Variants in PI4KA observed in about 807,000 individuals in gnomAD.
PI4KA encodes phosphatidylinositol 4-kinase alpha.
Under a neutral mutation model 271.4 loss-of-function variants are expected in PI4KA, and 122 were observed. That is an observed-to-expected ratio of 0.45 (90% CI 0.39 to 0.52). The LOEUF (loss-of-function observed/expected upper bound fraction) is 0.52, where lower values mean the gene tolerates loss of function less well. Among genes scored for constraint, PI4KA ranks in the 20% least tolerant of loss-of-function variants. The pLI is 0.00. For missense variants in PI4KA, 1,969 were observed against 2,769.1 expected, an observed-to-expected ratio of 0.71 and a Z score of 6.48; for synonymous variants, 1,041 against 1,078.8, an observed-to-expected ratio of 0.96 and a Z score of 0.69.
At chr22:20,762,297 C>A (rs540183096) in intron 22 of PI4KA, among the ~76,000 whole-genome samples, 1 of 152,140 alleles carries the variant, frequency 6.6e-6, no homozygotes. Flanking sequence ...CACACGCATT[C>A]GAGTGTGCAC....
In PI4KA at chr22:20,838,599, T is replaced by A; in HGVS notation, c.273+16A>T. 1.4e-6 allele frequency: 2 copies of A among 1,468,162 alleles called. No individual in the cohort carries two copies. The highest frequency in any genetic ancestry group is 2.3e-5 in the South Asian group (2 of 87,286). 90.9% of individuals were successfully genotyped at this position (1,468,162 alleles called of 1,614,324 possible). ...CCTTTTACAATGAAGAAACTTTTAA[T>A]TTCATGAAGACTTACCTGAAGATCA... On this transcript the variant is annotated intron_variant, in intron 2 of 54. Transcript: ENST00000255882.
intron 1 of PI4KA, among the ~76,000 whole-genome samples, chr22:20,850,284 C>T (rs1336101732): frequency 6.6e-6 from 1 of 151,902 alleles, no homozygotes; most frequent in Non-Finnish European, 1.5e-5. Flanking sequence ...CCTGTTAACA[C>T]CAGCACTTTG....
At chr22:20,804,832 G>T in intron 11 of PI4KA, 142 bp downstream of exon 11, 1 of 693,684 alleles carries the variant, frequency 1.4e-6, no homozygotes, top group Non-Finnish European at 2.5e-6. Flanking sequence ...GCTCCACTCT[G>T]CACGTGCCCA....
At chr22:20,840,178 T>C (rs1386326533) in intron 1 of PI4KA, among the ~76,000 whole-genome samples, 1 of 152,232 alleles carries the variant, frequency 6.6e-6, no homozygotes, top group Non-Finnish European at 1.5e-5. Flanking sequence ...CATAACATCA[T>C]TATTTCTCCA....
intron 6 of PI4KA, among the ~76,000 whole-genome samples, chr22:20,819,144 G>A (rs1307093008): frequency 1.3e-5 from 2 of 152,194 alleles, no homozygotes; most frequent in Non-Finnish European, 2.9e-5. Flanking sequence ...CGGTGAAAGG[G>A]AGGCAGTGTG....
At chr22:20,734,637 C>T (rs1928486051) in intron 32 of PI4KA, 84 bp from the exon 33 acceptor site, 1 of 1,303,936 alleles carries the variant, frequency 7.7e-7, no homozygotes, top group Admixed American at 2.2e-5. Flanking sequence ...AAAAAAGGAA[C>T]ACGTGCTCAC....
Position 20,796,259 on chromosome 22 carries a change from C to T in PI4KA, c.2164G>A (p.Asp722Asn). The part of the protein sequence containing the change: ...ALANIAANIQ[D>N]EHLVDELLMN... ...AGCAGCTCATCCACCAGGTGCTCGT[C>T]TTGGATGTTGGCCGCGATGTTGGCC... The change falls in exon 18 of 55, where the codon GAC becomes AAC. Residue 722 changes from aspartate to asparagine, a missense_variant. By Grantham distance (23) the Asp-to-Asn change is conservative. This residue lies in a region of PI4KA where 368 missense variants were observed against 544.3 expected (regional missense o/e 0.68). Coordinates refer to ENST00000255882, the MANE Select transcript of PI4KA (RefSeq NM_058004.4). 6.2e-7 allele frequency: 1 copy of T among 1,614,126 alleles called. No homozygotes were observed. The highest frequency in any genetic ancestry group is 8.5e-7 in the Non-Finnish European group (1 of 1,180,000).
chr22:20,721,305 C>G lies in PI4KA; in HGVS notation c.5109G>C (p.Gln1703His). ...TNIYLDEEGH[Q>H]KDPDIGDLLD... ...GGAGGACAAAATACTCACGGTCTTT[C>G]TGGTGGCCCTCTTCATCTAGATAAA... The change falls in exon 43 of 55, where the codon CAG becomes CAC. Residue 1703 changes from glutamine (Q) to histidine (H), a missense_variant. Physicochemically the swap from Gln to His is conservative, Grantham distance 24. Around this residue, in one of 13 missense-constraint regions of PI4KA, gnomAD observed 388 missense variants for 521.5 expected, o/e 0.74. Coordinates refer to ENST00000255882, the MANE Select transcript of PI4KA (RefSeq NM_058004.4). 6.2e-7 allele frequency: 1 copy of G among 1,614,046 alleles called. No homozygotes were observed. Among genetic ancestry groups the G allele is most frequent in the Non-Finnish European group, 8.5e-7 (1 of 1,180,000 alleles).
chr22:20,730,138 A>C, intron 36 of PI4KA, 127 bp from the exon 37 acceptor site: 1 of 1,006,084 alleles, frequency 9.9e-7, no homozygotes. Context: ...GAGTCCTGGA[A>C]TCGACTGCAG....
At position 20,799,198 on chromosome 22, in the gene PI4KA, G is replaced by A. The variant is rs772344242; in HGVS notation, c.1899C>T (p.Val633=). ...IAVALRDTPK[V]MEPILQILQQ... ...GTAGGATCTGCAGAATGGGCTCCAT[G>A]ACCTTCGGGGTGTCCCTCAAGGCCA... Residue 633 remains valine, a synonymous_variant, in exon 16 of 55, where the codon GTC becomes GTT. Transcript: ENST00000255882. The A allele has an allele frequency of 2.5e-6, 4 of 1,594,974 alleles. No homozygotes were observed. The highest frequency in any genetic ancestry group is 1.1e-5 in the South Asian group (1 of 87,680).
At chr22:20,811,332 C>A (rs983243029) in intron 8 of PI4KA, among the ~76,000 whole-genome samples, 2 of 152,142 alleles carry the variant, frequency 1.3e-5, no homozygotes, top group African/African-American at 4.8e-5. Flanking sequence ...AGACCTCAGG[C>A]CTTGCTGCCA....
At chr22:20,742,939 C>CTT (rs199920036) in intron 30 of PI4KA, 175 bp from the exon 31 acceptor site, 208 of 498,170 alleles carry the variant, frequency 4.2e-4, no homozygotes, top group Middle Eastern at 5.4e-4. Flanking sequence ...CTGATCACAG[C>CTT]TTTTTTTTTT....
chr22:20,845,995 C>T (rs1452789424), intron 1 of PI4KA, among the ~76,000 whole-genome samples: 4 of 152,106 alleles, frequency 2.6e-5, no homozygotes, highest in Middle Eastern at 3.2e-3. Context: ...CTGTGGCTCA[C>T]GCCTGTAATC....
At chr22:20,823,509 A>T (rs922065123) in intron 4 of PI4KA, among the ~76,000 whole-genome samples, 4 of 152,264 alleles carry the variant, frequency 2.6e-5, no homozygotes, top group African/African-American at 9.6e-5. Context: ...GATAAATTTA[A>T]GAAAAAGTTG....
rs547055475 is a variant in PI4KA at position 20,808,255 on chromosome 22, A to G, written c.1072-797T>C. Among the ~76,000 whole-genome samples, 80 of 149,080 alleles carry G rather than the reference A, an allele frequency of 5.4e-4. 1 individual carries two copies. The South Asian group carries it at 0.016, about 30-fold the overall frequency. ...TGGTGAGCAGAGATCGCGCCATTGC[A>G]CTCCAGCCTGGGCAACAAGAACAAA... On this transcript the variant is annotated intron_variant, in intron 9 of 54. Coordinates refer to ENST00000255882, the MANE Select transcript of PI4KA (RefSeq NM_058004.4).
intron 3 of PI4KA, among the ~76,000 whole-genome samples, chr22:20,832,619 A>C (rs999271192): frequency 1.3e-5 from 2 of 151,670 alleles, no homozygotes; most frequent in African/African-American, 2.4e-5. Flanking sequence ...ACACCTGGCT[A>C]ATTTTTTGTA....
intron 14 of PI4KA, among the ~76,000 whole-genome samples, chr22:20,800,629 C>T (rs1935240072): frequency 6.7e-6 from 1 of 149,890 alleles, no homozygotes. Flanking sequence ...TTGGGAGGCA[C>T]AGGTGGGCGG....
At position 20,744,806 on chromosome 22, in the gene PI4KA, C is replaced by G; in HGVS notation, c.3364-86G>C. On this transcript the variant is annotated intron_variant, in intron 29 of 54. Transcript: ENST00000255882. ...ATGGCTAAGCCTAAACCCAATGAAG[C>G]AGTCACACTCGGGTCTGGGGGTTAC... 5.7e-6 allele frequency: 6 copies of G among 1,054,362 alleles called. No individual in the cohort carries two copies. The South Asian group carries it at 8.2e-5, about 14-fold the overall frequency. The allele number at this position is 1,054,362 out of a possible 1,614,324, so 65.3% of individuals were successfully genotyped here. A position where few individuals can be genotyped will look rare whatever the true frequency, so the allele number is the denominator to read the frequency against.
Position 20,786,041 on chromosome 22 carries a change from A to G in PI4KA, c.2328+7152T>C, listed in dbSNP as rs774396207. On this transcript the variant is annotated intron_variant, in intron 19 of 54. Transcript: ENST00000255882. ...GCTTCTGCCGAAATTCAAGCTGGAG[A>G]AGAACTACAATCTAGTGGAGTCCCT... The G allele has an allele frequency of 3.7e-6, 6 of 1,614,152 alleles. 1 individual carries two copies. The South Asian group carries it at 6.6e-5, about 18-fold the overall frequency.
Sources: allele counts gnomAD v4.1 joint callset (sites outside exome capture counted in the v4.1 genomes callset), GRCh38; gene constraint gnomAD v4.1.1; regional missense constraint gnomAD v4.1.1; transcripts MANE v1.5; gene names NCBI Gene and HGNC (gene_info 2026-07-23, HGNC 2026-07-21).